SUN1: variants seen among roughly 807,000 people sequenced by gnomAD.
The protein encoded by SUN1 is Sad1 and UNC84 domain containing 1.
A neutral mutation model predicts 103.2 loss-of-function variants in SUN1; 61 were observed. That is an observed-to-expected ratio of 0.59 (90% confidence interval 0.48 to 0.73). The LOEUF is 0.73. Ranked by LOEUF, SUN1 falls within the 30% of genes least tolerant of loss-of-function variation. The pLI is 0.00. For synonymous variants in SUN1, 490 were observed against 425.7 expected, an observed-to-expected ratio of 1.15 and a Z score of -1.86; for missense variants, 1,052 against 1,034.6, an observed-to-expected ratio of 1.02 and a Z score of -0.23.
intron 17 of SUN1, among the ~76,000 whole-genome samples, chr7:872,171 G>A (rs1585399711): frequency 6.6e-6 from 1 of 152,326 alleles, no homozygotes; most frequent in Non-Finnish European, 1.5e-5. Flanking sequence ...CTGTGTGTCC[G>A]GCGGGGTCAC....
chr7:819,709 CTT>C (rs60712364), intron 1 of SUN1, among the ~76,000 whole-genome samples: 7 of 130,540 alleles, frequency 5.4e-5, no homozygotes, highest in South Asian at 2.4e-4. Flanking sequence ...CAATGCCACC[CTT>C]TTTTTTTTTT....
chr7:836,081 G>A (rs1717410970), intron 1 of SUN1, among the ~76,000 whole-genome samples: 2 of 152,242 alleles, frequency 1.3e-5, no homozygotes, highest in Non-Finnish European at 2.9e-5. Context: ...ACTAGCCGGC[G>A]CTGCAACCTG....
chr7:828,644 C>G (rs1156460999), upstream of SUN1, among the ~76,000 whole-genome samples: 1 of 152,216 alleles, frequency 6.6e-6, no homozygotes, highest in Non-Finnish European at 1.5e-5. Context: ...CAGAAGCCCT[C>G]TACTTTTCCT....
intron 15 of SUN1, among the ~76,000 whole-genome samples, chr7:864,168 G>A (rs553327508): frequency 9.2e-5 from 14 of 152,140 alleles, no homozygotes; most frequent in Admixed American, 2.6e-4. Flanking sequence ...GCAATGTGAA[G>A]TAAGTACATC....
Position 869,434 on chromosome 7 carries a change from C to G in SUN1, c.2066C>G (p.Ala689Gly), listed in dbSNP as rs1241560970. 1.2e-6 allele frequency: 2 copies of G among 1,613,940 alleles called. No homozygotes were observed. Among genetic ancestry groups the G allele is most frequent in the East Asian group, 2.2e-5 (1 of 44,870 alleles). The change falls in exon 17 of 19, where the codon GCC (alanine) becomes GGC (glycine). Residue 689 changes from alanine to glycine, a missense_variant. Ala to Gly is a moderately conservative substitution (Grantham distance 60). Coordinates refer to ENST00000401592, the MANE Select transcript of SUN1 (RefSeq NM_001130965.3). ...AGGCTCTCCATGATGATCCACCCAGCCGCCTTCACTCTGGAGCACATCCCT... is the reference window on the plus strand; with the variant it reads ...AGGCTCTCCATGATGATCCACCCAGGCGCCTTCACTCTGGAGCACATCCCT... ...VVRLSMMIHPAAFTLEHIPKT... is the reference protein window; with the variant it reads ...VVRLSMMIHPGAFTLEHIPKT...
upstream of SUN1, among the ~76,000 whole-genome samples, chr7:829,360 A>G (rs1408496753): frequency 1.3e-5 from 2 of 152,170 alleles, no homozygotes; most frequent in African/African-American, 2.4e-5. Context: ...TTTGGCGGTC[A>G]GTAGAGCTGG....
chr7:827,210 C>T (rs1231277487), intron 1 of SUN1, among the ~76,000 whole-genome samples: 5 of 151,492 alleles, frequency 3.3e-5, no homozygotes, highest in East Asian at 2.0e-4. Context: ...TTGCTAGAGA[C>T]GGGGTTTCAC....
upstream of SUN1, chr7:831,127 T>A: frequency 1.8e-6 from 1 of 562,350 alleles, no homozygotes; most frequent in Non-Finnish European, 2.3e-6. Flanking sequence ...GTGGATTAAG[T>A]GATCACAGTT....
intron 14 of SUN1, 54 bp from the exon 15 acceptor site, chr7:861,326 C>A: frequency 6.3e-7 from 1 of 1,588,476 alleles, no homozygotes; most frequent in Non-Finnish European, 8.6e-7. Flanking sequence ...CTAAAACCCA[C>A]GTCTCTCCTC....
At position 854,795 on chromosome 7, in the gene SUN1, G is replaced by C. The variant is rs150187294; in HGVS notation, c.1264-125G>C. The C allele has an allele frequency of 6.0e-6, 4 of 661,644 alleles. No individual in the cohort carries two copies. The South Asian group carries it at 7.4e-5, about 12-fold the overall frequency. The allele number at this position is 661,644 out of a possible 1,614,324, so 41.0% of individuals were successfully genotyped here. A position where few individuals can be genotyped will look rare whatever the true frequency, so the allele number is the denominator to read the frequency against. On this transcript the variant is annotated intron_variant, in intron 10 of 18. Coordinates refer to ENST00000401592, the MANE Select transcript of SUN1 (RefSeq NM_001130965.3). Reference sequence around the variant, plus strand: ...GAAGCGGATTATTCCTTTAGGGTCCGTGCCACATTGCGACCACAGATTCTC... The same window carrying C: ...GAAGCGGATTATTCCTTTAGGGTCCCTGCCACATTGCGACCACAGATTCTC...
chr7:868,419 G>T, intron 16 of SUN1: 1 of 281,608 alleles, frequency 3.6e-6, no homozygotes, highest in Non-Finnish European at 7.0e-6. Flanking sequence ...GCTGCAGGCT[G>T]CACCGTGGCC....
rs1160718833 is a variant in SUN1, at chr7:851,947, TA to T, written c.758-2del. On this transcript the variant is annotated splice_acceptor_variant, in intron 6 of 18. Transcript: ENST00000401592. LOFTEE classifies it high-confidence loss of function. ...TTAGAATGTTTGGTGTTTTCTCTTG[TA>T]GGGAAGGCAGCCTCTGGAGTGTTCT... 1 of 1,613,574 alleles carries T rather than the reference TA, an allele frequency of 6.2e-7. No individual in the cohort carries two copies. Among genetic ancestry groups the T allele is most frequent in the African/African-American group, 1.3e-5 (1 of 74,902 alleles).
chr7:817,533 T>C, intron 1 of SUN1: 2 of 1,534,618 alleles, frequency 1.3e-6, no homozygotes. Context: ...CTGCTCTCGC[T>C]TTGCAGCTTG....
intron 5 of SUN1, chr7:848,283 G>T (rs1818482196): frequency 2.8e-5 from 21 of 761,372 alleles, no homozygotes; most frequent in South Asian, 1.9e-4. Flanking sequence ...CTGCCAGCTG[G>T]GCTCTTCCCC....
chr7:818,737 G>A (rs1783174971), intron 1 of SUN1, among the ~76,000 whole-genome samples: 1 of 152,174 alleles, frequency 6.6e-6, no homozygotes, highest in Admixed American at 6.5e-5. Flanking sequence ...TGGGTCTGAA[G>A]TGGCGTCTCA....
At chr7:847,938 T>A (rs1817862177) in intron 5 of SUN1, among the ~76,000 whole-genome samples, 1 of 149,602 alleles carries the variant, frequency 6.7e-6, no homozygotes, top group Non-Finnish European at 1.5e-5. Context: ...GTCTCCGGGA[T>A]CCCCTGGGGG....
chr7:856,516 T>A, intron 12 of SUN1, 115 bp downstream of exon 12: 1 of 1,168,690 alleles, frequency 8.6e-7, no homozygotes, highest in Non-Finnish European at 1.3e-6. Context: ...GAGGGTCACC[T>A]GAAGGCCCTG....
intron 15 of SUN1, among the ~76,000 whole-genome samples, chr7:864,490 G>A (rs139669192): frequency 0.037 from 5,426 of 148,466 alleles, 156 homozygotes; most frequent in Non-Finnish European, 0.059. Context: ...GGTGGTGGAG[G>A]TTGTGTTGAG....
chr7:856,377 A>T lies in SUN1; in HGVS notation c.1370A>T (p.Glu457Val). 1 of 1,614,176 alleles carries T rather than the reference A, an allele frequency of 6.2e-7. No individual in the cohort carries two copies. The highest frequency in any genetic ancestry group is 8.5e-7 in the Non-Finnish European group (1 of 1,180,018). Residue 457 changes from glutamate to valine, a missense_variant, in exon 12 of 19, where the codon GAA becomes GTA. By Grantham distance (121) the Glu-to-Val change is moderately radical. Around this residue, in one of 2 missense-constraint regions of SUN1, gnomAD observed 846 missense variants for 774.5 expected, o/e 1.09. Coordinates refer to ENST00000401592, the MANE Select transcript of SUN1 (RefSeq NM_001130965.3). Reference sequence around the variant, plus strand: ...TTTTAGGCCATCCAGAAGGAACTAGAACAGACCAAGCAAAAAACAATCAGG... The same window carrying T: ...TTTTAGGCCATCCAGAAGGAACTAGTACAGACCAAGCAAAAAACAATCAGG... ...EKSEAIQKEL[E>V]QTKQKTISAV...
Sources: gnomAD v4.1 joint callset for allele counts (sites outside exome capture counted in the v4.1 genomes callset) on GRCh38, gnomAD v4.1.1 for gene constraint, gnomAD v4.1.1 regional missense constraint, MANE v1.5 for transcripts, NCBI Gene and HGNC (gene_info 2026-07-23, HGNC 2026-07-21) for gene names.